Variants in SEPTIN8 observed in about 807,000 individuals in gnomAD.
SEPTIN8 encodes septin 8.
SEPTIN8 carries 22 observed loss-of-function variants against 53.1 expected under a neutral mutation model. The ratio of observed to expected loss-of-function variants is 0.41; its 90% confidence interval spans 0.30 to 0.59. SEPTIN8 has a LOEUF of 0.59. Ranked by LOEUF, SEPTIN8 falls within the 20% of genes least tolerant of loss-of-function variation. The probability of loss-of-function intolerance (pLI) is 0.24; values close to 1 mark genes in which losing one functional copy is unlikely to be tolerated. For missense variants in SEPTIN8, 536 were observed against 638.7 expected (o/e 0.84, Z 1.73); for synonymous variants, 228 against 248.4 (o/e 0.92, Z 0.77).
intron 1 of SEPTIN8, chr5:132,774,275 G>A (rs1275240041): frequency 1.8e-5 from 3 of 165,966 alleles, no homozygotes; most frequent in South Asian, 2.1e-4. Context: ...GTGAGGCTGT[G>A]TGCTGCACGT....
chr5:132,758,380 G>A, intron 9 of SEPTIN8: 1 of 1,439,592 alleles, frequency 6.9e-7, no homozygotes, highest in Non-Finnish European at 9.1e-7. Flanking sequence ...AGGGGAACTG[G>A]GTGAATTTTG....
chr5:132,760,712 A>C lies in SEPTIN8; in HGVS notation c.1286+90T>G. On this transcript the variant is annotated intron_variant, in intron 9 of 9. Coordinates refer to ENST00000378719, the MANE Select transcript of SEPTIN8 (RefSeq NM_001098811.2). This position sits in a 1 kb window ranked among gnomAD's most constrained non-coding sequence, Gnocchi z 5.2. The stretch of plus-strand genomic sequence containing the variant: ...AGGAAAGGGGTAAGAGAGGGCGAGC[A>C]GGAGAGCGAGAAGGGAGGTGAGGGA... 1.6e-6 allele frequency: 2 copies of C among 1,226,042 alleles called. No individual in the cohort carries two copies. Among genetic ancestry groups the C allele is most frequent in the Non-Finnish European group, 2.3e-6 (2 of 868,236 alleles). 75.9% of individuals were successfully genotyped at this position (1,226,042 alleles called of 1,614,324 possible).
In SEPTIN8 at chr5:132,764,436, G is replaced by A; in HGVS notation, c.152-17C>T. ...CGGTCTCCCCTGGGCAGTGAGGACA[G>A]GAGGGGAAGAAGTGGGTGTCATAGG... On this transcript the variant is annotated splice_polypyrimidine_tract_variant and intron_variant, in intron 2 of 9. Coordinates refer to ENST00000378719, the MANE Select transcript of SEPTIN8 (RefSeq NM_001098811.2). 1 of 1,601,698 alleles carries A rather than the reference G, an allele frequency of 6.2e-7. No homozygotes were observed. The highest frequency in any genetic ancestry group is 8.5e-7 in the Non-Finnish European group (1 of 1,172,534).
At chr5:132,753,300 C>A in intron 9 of SEPTIN8, 1 of 289,876 alleles carries the variant, frequency 3.4e-6, no homozygotes. Context: ...TGGCATTGGC[C>A]CCTGGGAGCG....
intron 9 of SEPTIN8, chr5:132,754,378 G>C (rs901732393): frequency 1.3e-5 from 9 of 717,130 alleles, no homozygotes; most frequent in Admixed American, 1.0e-4. Flanking sequence ...TGGGACCACA[G>C]TGCATGAGGC....
At position 132,770,125 on chromosome 5, in the gene SEPTIN8, GTATA is replaced by G. The variant is rs1248248487; in HGVS notation, c.31-4600_31-4597del. Among the ~76,000 whole-genome samples the G allele has an allele frequency of 3.0e-4, 14 of 47,344 alleles. No homozygotes were observed. The African/African-American group carries it at 3.1e-3, about 11-fold the overall frequency. The allele number at this position is 47,344 out of a possible 152,430, so 31.1% of individuals were successfully genotyped here. On this transcript the variant is annotated intron_variant, in intron 1 of 9. Coordinates refer to ENST00000378719, the MANE Select transcript of SEPTIN8 (RefSeq NM_001098811.2). ...TGTATATATGTATATATATATATAT[GTATA>G]TATGTGTATGTGTGTGTATATATAT...
Position 132,764,435 on chromosome 5 carries a change from A to C in SEPTIN8, c.152-16T>G. On this transcript the variant is annotated splice_polypyrimidine_tract_variant and intron_variant, in intron 2 of 9. Transcript: ENST00000378719. ...CCGGTCTCCCCTGGGCAGTGAGGAC[A>C]GGAGGGGAAGAAGTGGGTGTCATAG... is the stretch of plus-strand genomic sequence containing the variant. 6.2e-7 allele frequency: 1 copy of C among 1,602,040 alleles called. No homozygotes were observed. Among genetic ancestry groups the C allele is most frequent in the Non-Finnish European group, 8.5e-7 (1 of 1,172,758 alleles).
chr5:132,752,576 G>A (rs1754942416), intron 9 of SEPTIN8, among the ~76,000 whole-genome samples: 1 of 152,144 alleles, frequency 6.6e-6, no homozygotes, highest in African/African-American at 2.4e-5. Flanking sequence ...ATGAGTGTGT[G>A]GTACCAGGTA....
At chr5:132,754,320 C>T in intron 9 of SEPTIN8, 1 of 696,638 alleles carries the variant, frequency 1.4e-6, no homozygotes, top group Admixed American at 2.1e-5. Flanking sequence ...CTCACAGCTT[C>T]CAGTGGTGGC....
chr5:132,761,667 G>A lies in SEPTIN8; in HGVS notation c.794-41C>T. The A allele has an allele frequency of 6.2e-7, 1 of 1,607,942 alleles. No individual in the cohort carries two copies. The highest frequency in any genetic ancestry group is 8.5e-7 in the Non-Finnish European group (1 of 1,176,738). On this transcript the variant is annotated intron_variant, in intron 6 of 9. Transcript: ENST00000378719. This position sits in a 1 kb window ranked among gnomAD's most constrained non-coding sequence, Gnocchi z 5.8. ...CGGTGGGGTATCAGGCAGGCATGCA[G>A]GCGGGCACACTCCAGAGTCAGGGTA...
intron 1 of SEPTIN8, among the ~76,000 whole-genome samples, chr5:132,766,028 C>T (rs1756553941): frequency 6.6e-6 from 1 of 152,204 alleles, no homozygotes; most frequent in Admixed American, 6.5e-5. Flanking sequence ...CCAAACCCCT[C>T]ACAAGCATGC....
At chr5:132,759,099 A>G in intron 9 of SEPTIN8, 1 of 589,426 alleles carries the variant, frequency 1.7e-6, no homozygotes, top group Non-Finnish European at 3.3e-6. Context: ...GGTCATGAAA[A>G]ACACCCCTGC....
At chr5:132,772,218 C>T (rs1757392626) in intron 1 of SEPTIN8, among the ~76,000 whole-genome samples, 1 of 152,226 alleles carries the variant, frequency 6.6e-6, no homozygotes, top group South Asian at 2.1e-4. Context: ...CCTTTCTGCA[C>T]ACAGCCAGCC....
At chr5:132,763,474 C>G (rs1185201673) in intron 4 of SEPTIN8, among the ~76,000 whole-genome samples, 1 of 152,160 alleles carries the variant, frequency 6.6e-6, no homozygotes, top group African/African-American at 2.4e-5. Context: ...AAGCAAGGGG[C>G]TCAGGGTCAG....
chr5:132,770,089 GTATATATATA>G (rs201065841), intron 1 of SEPTIN8, among the ~76,000 whole-genome samples: 7 of 29,154 alleles, frequency 2.4e-4, no homozygotes, highest in African/African-American at 2.0e-3. Flanking sequence ...ATGTATATAT[GTATATATATA>G]TGTATATATG....
At chr5:132,752,939 GCACAGA>G (rs1754989593) in intron 9 of SEPTIN8, 1 of 1,614,008 alleles carries the variant, frequency 6.2e-7, no homozygotes, top group African/African-American at 1.3e-5. Context: ...TCATCCTCCT[GCACAGA>G]CAACTTTGTG....
intron 9 of SEPTIN8, among the ~76,000 whole-genome samples, chr5:132,759,739 GAAGGATGGTACCCAAGAT>G (rs957122749): frequency 1.3e-5 from 2 of 152,200 alleles, no homozygotes; most frequent in African/African-American, 4.8e-5. Context: ...GTTGGCAAGA[GAAGGATGGTACCCAAGAT>G]AGGCCGGGGC....
chr5:132,775,558 A>G (rs1317874301), intron 1 of SEPTIN8, among the ~76,000 whole-genome samples: 1 of 152,192 alleles, frequency 6.6e-6, no homozygotes, highest in East Asian at 1.9e-4. Flanking sequence ...CATGGCCAAC[A>G]AGGAGTGTCT....
At chr5:132,758,876 A>C in intron 9 of SEPTIN8, 1 of 1,542,146 alleles carries the variant, frequency 6.5e-7, no homozygotes, top group Non-Finnish European at 9.0e-7. Context: ...ATTAAAAGAT[A>C]TGCAGACCAA....
Sources: allele counts gnomAD v4.1 joint callset (sites outside exome capture counted in the v4.1 genomes callset), GRCh38; gene constraint gnomAD v4.1.1; non-coding constraint Gnocchi (gnomAD v3.1); transcripts MANE v1.5; gene names NCBI Gene and HGNC (gene_info 2026-07-23, HGNC 2026-07-21).